PTPRT: variants seen among roughly 807,000 people sequenced by gnomAD.
The protein encoded by PTPRT is receptor-type tyrosine-protein phosphatase T.
In PTPRT, 56 loss-of-function variants were observed where a neutral mutation model predicts 176.8. The ratio of observed to expected loss-of-function variants is 0.32; its 90% CI spans 0.26 to 0.40. The LOEUF (loss-of-function observed/expected upper bound fraction) is 0.40. PTPRT is among the 10% of genes least tolerant of loss of function. The probability of loss-of-function intolerance (pLI) is 1.00; values close to 1 mark genes in which losing one functional copy is unlikely to be tolerated. For synonymous variants in PTPRT, 783 were observed against 739.0 expected (o/e 1.06, Z -0.96); for missense variants, 1,540 against 1,908.2 (o/e 0.81, Z 3.60).
intron 1 of PTPRT, among the ~76,000 whole-genome samples, chr20:43,086,785 T>C (rs2011617078): frequency 6.6e-6 from 1 of 152,168 alleles, no homozygotes; most frequent in African/African-American, 2.4e-5. Flanking sequence ...CTAATCCTAC[T>C]GTTATAACCG....
intron 1 of PTPRT, among the ~76,000 whole-genome samples, chr20:42,950,682 G>T (rs1981182730): frequency 6.6e-6 from 1 of 152,154 alleles, no homozygotes; most frequent in Non-Finnish European, 1.5e-5. Context: ...CTCTGTAATT[G>T]GGTACGTGTT....
At chr20:42,788,219 C>G (rs2077320336) in intron 3 of PTPRT, among the ~76,000 whole-genome samples, 1 of 135,652 alleles carries the variant, frequency 7.4e-6, no homozygotes, top group African/African-American at 2.8e-5. Context: ...CAAATGACAA[C>G]AGTCCACCCT....
At chr20:42,850,086 C>T (rs1391407000) in intron 2 of PTPRT, among the ~76,000 whole-genome samples, 1 of 152,172 alleles carries the variant, frequency 6.6e-6, no homozygotes, top group Non-Finnish European at 1.5e-5. Flanking sequence ...ACTGCATAAA[C>T]TGAATTTGTG....
intron 1 of PTPRT, among the ~76,000 whole-genome samples, chr20:43,042,077 T>A (rs2425557): frequency 0.32 from 48,228 of 152,060 alleles, 10,590 homozygotes; most frequent in African/African-American, 0.62. Context: ...ATTTGTACAA[T>A]AGCTGCTCCA....
intron 7 of PTPRT, among the ~76,000 whole-genome samples, chr20:42,660,815 G>A (rs1190534384): frequency 1.3e-5 from 2 of 152,046 alleles, no homozygotes; most frequent in Non-Finnish European, 2.9e-5. Context: ...CTATGAATTA[G>A]GGTAAGTTTG....
chr20:42,902,116 T>C (rs540256585), intron 1 of PTPRT, among the ~76,000 whole-genome samples: 1 of 152,352 alleles, frequency 6.6e-6, no homozygotes, highest in Admixed American at 6.5e-5. Flanking sequence ...CGGCAGCTTA[T>C]TTTTGCTAGT....
intron 2 of PTPRT, among the ~76,000 whole-genome samples, chr20:42,823,905 C>T (rs1349559618): frequency 1.3e-5 from 2 of 151,022 alleles, no homozygotes; most frequent in Non-Finnish European, 3.0e-5. Flanking sequence ...ACTTGCAGTA[C>T]TGATTAAAAA....
rs2146066290 is a variant in PTPRT, at chr20:42,677,988, T to A, written c.1031A>T (p.Asn344Ile). ...GGGGTCCAGATGCCACAGCTTATAG[T>A]TGGGAGAGTCGACTATGTGGGTCTC... ...WAETHIVDSPNYKLWHLDPDV... is the reference protein window; with the variant it reads ...WAETHIVDSPIYKLWHLDPDV... Residue 344 changes from asparagine (N) to isoleucine (I), a missense_variant, in exon 7 of 31, where the codon AAC becomes ATC. Asn to Ile is a moderately radical substitution (Grantham distance 149, BLOSUM62 -3). Coordinates refer to ENST00000373187, the MANE Select transcript of PTPRT (RefSeq NM_007050.6). 6.2e-7 allele frequency: 1 copy of A among 1,614,140 alleles called. No homozygotes were observed. The highest frequency in any genetic ancestry group is 8.5e-7 in the Non-Finnish European group (1 of 1,180,026).
At chr20:42,992,136 A>G (rs907227899) in intron 1 of PTPRT, among the ~76,000 whole-genome samples, 6 of 152,210 alleles carry the variant, frequency 3.9e-5, no homozygotes, top group Non-Finnish European at 5.9e-5. Context: ...AGACTGCCCA[A>G]TTTGGTCCCC....
chr20:42,693,186 C>G (rs1390662205), intron 6 of PTPRT, among the ~76,000 whole-genome samples: 1 of 152,160 alleles, frequency 6.6e-6, no homozygotes, highest in East Asian at 1.9e-4. Flanking sequence ...TCACTGAAAA[C>G]TGCCAGACAT....
At chr20:42,862,116 T>C (rs1189263198) in intron 2 of PTPRT, among the ~76,000 whole-genome samples, 2 of 152,206 alleles carry the variant, frequency 1.3e-5, no homozygotes, top group Non-Finnish European at 2.9e-5. Flanking sequence ...TTACCCTTTT[T>C]TTTGGTACAA....
At chr20:42,807,401 C>T (rs1272271632) in intron 2 of PTPRT, among the ~76,000 whole-genome samples, 1 of 152,162 alleles carries the variant, frequency 6.6e-6, no homozygotes, top group African/African-American at 2.4e-5. Context: ...TTAAGGGAAA[C>T]TGCAAGAGGT....
intron 13 of PTPRT, among the ~76,000 whole-genome samples, chr20:42,249,848 T>C (rs2056520001): frequency 6.6e-6 from 1 of 152,230 alleles, no homozygotes; most frequent in African/African-American, 2.4e-5. Context: ...CAACATCTTA[T>C]TTCAGACATT....
At chr20:42,361,699 C>T (rs977713324) in intron 9 of PTPRT, among the ~76,000 whole-genome samples, 4 of 152,144 alleles carry the variant, frequency 2.6e-5, no homozygotes, top group African/African-American at 9.7e-5. Context: ...AGTGAGGAGG[C>T]TGCCGTGTGA....
intron 7 of PTPRT, among the ~76,000 whole-genome samples, chr20:42,592,415 G>T (rs1297345516): frequency 6.6e-6 from 1 of 152,158 alleles, no homozygotes; most frequent in Non-Finnish European, 1.5e-5. Flanking sequence ...CATTACCAAA[G>T]ATGCACAGGA....
intron 7 of PTPRT, among the ~76,000 whole-genome samples, chr20:42,588,313 G>A (rs899656879): frequency 6.6e-6 from 1 of 152,116 alleles, no homozygotes. Context: ...GCGTGGTGGT[G>A]CACGCCAGTA....
At chr20:42,319,444 A>G (rs2057768323) in intron 11 of PTPRT, among the ~76,000 whole-genome samples, 1 of 152,156 alleles carries the variant, frequency 6.6e-6, no homozygotes, top group African/African-American at 2.4e-5. Context: ...TGCAGTCAAC[A>G]TATGGTTCAC....
Position 42,421,981 on chromosome 20 carries a change from T to C in PTPRT, c.1560+26239A>G, listed in dbSNP as rs142546326. ...GGATTCCCTATTCAATAAATGGTGC[T>C]GGGATAACTGACTAGCCATATGCAG... On this transcript the variant is annotated intron_variant, in intron 9 of 30. Transcript: ENST00000373187. 4.8e-3 allele frequency among the ~76,000 whole-genome samples: 725 copies of C among 152,324 alleles called. 3 individuals carry two copies. The highest frequency in any genetic ancestry group is 0.016 in the African/African-American group (679 of 41,574).
chr20:42,306,459 G>A (rs1053245479), intron 12 of PTPRT, among the ~76,000 whole-genome samples: 17 of 152,222 alleles, frequency 1.1e-4, no homozygotes, highest in Non-Finnish European at 2.2e-4. Context: ...AGAGCTGTGA[G>A]TGGATGTTTA....
Sources: allele counts gnomAD v4.1 joint callset (sites outside exome capture counted in the v4.1 genomes callset), GRCh38; gene constraint gnomAD v4.1.1; transcripts MANE v1.5; gene names NCBI Gene and HGNC (gene_info 2026-07-23, HGNC 2026-07-21).